PADI1: variants seen among roughly 807,000 people sequenced by gnomAD.
PADI1 encodes the protein protein-arginine deiminase type-1.
A neutral mutation model predicts 74.8 loss-of-function variants in PADI1; 65 were observed. The ratio of observed to expected loss-of-function variants is 0.87; its 90% CI spans 0.71 to 1.07. The LOEUF (loss-of-function observed/expected upper bound fraction) is 1.07, where lower values mean the gene tolerates loss of function less well. Among genes scored for constraint, PADI1 ranks in the 50% least tolerant of loss-of-function variants. PADI1 has a pLI of 0.00. For synonymous variants in PADI1, 371 were observed against 336.2 expected (o/e 1.10, Z -1.13); for missense variants, 943 against 854.0 (o/e 1.10, Z -1.30).
At chr1:17,213,787 C>T (rs1008630254) in intron 1 of PADI1, among the ~76,000 whole-genome samples, 2 of 152,232 alleles carry the variant, frequency 1.3e-5, no homozygotes, top group Non-Finnish European at 2.9e-5. Context: ...TGAACCTGCA[C>T]CTTACCACAG....
Position 17,238,676 on chromosome 1 carries a change from G to T in PADI1, c.1519G>T (p.Glu507Ter). ...CCTCAAACTCTTCCAAGAGAAGAAA[G>T]AAGAGGGTTATGGGGAGGCAGCCCA... ...ACLKLFQEKK[E>*]EGYGEAAQFD... is the part of the protein sequence containing the mutation. Residue 507 changes from glutamate (E) to a stop codon, truncating the protein, a stop_gained, in exon 13 of 16, where the codon GAA becomes TAA. Transcript: ENST00000375471. LOFTEE classifies it high-confidence loss of function. The T allele has an allele frequency of 1.9e-6, 3 of 1,555,046 alleles. No individual in the cohort carries two copies. Among genetic ancestry groups the T allele is most frequent in the Non-Finnish European group, 8.7e-7 (1 of 1,144,562 alleles).
At chr1:17,239,632 A>T (rs1457552515) in intron 13 of PADI1, 72 bp from the exon 14 acceptor site, 10 of 1,130,402 alleles carry the variant, frequency 8.8e-6, no homozygotes, top group Admixed American at 1.7e-5. Context: ...GGCCTGGATT[A>T]TGTAGCCCCA....
At chr1:17,213,139 C>T (rs1264105814) in intron 1 of PADI1, among the ~76,000 whole-genome samples, 1 of 126,680 alleles carries the variant, frequency 7.9e-6, no homozygotes, top group East Asian at 2.5e-4. Flanking sequence ...AGTAAAGTTA[C>T]TTAACTTCTC....
At position 17,215,558 on chromosome 1, in the gene PADI1, G is replaced by A. The variant is rs570217629; in HGVS notation, c.93-6732G>A. ...GGTGGTCCCTGAGTGGGGTGGAGCA[G>A]GAGTCACCCATGAGCTAGAAACCCT... On this transcript the variant is annotated intron_variant, in intron 1 of 15. Coordinates refer to ENST00000375471, the MANE Select transcript of PADI1 (RefSeq NM_013358.3). 1.6e-4 allele frequency among the ~76,000 whole-genome samples: 24 copies of A among 152,228 alleles called. No individual in the cohort carries two copies. In the South Asian group the frequency reaches 3.5e-3, roughly 22 times the overall value.
chr1:17,236,109 C>A (rs1457098028), intron 11 of PADI1, among the ~76,000 whole-genome samples: 1 of 152,196 alleles, frequency 6.6e-6, no homozygotes, highest in African/African-American at 2.4e-5. Context: ...AAATTTAGCA[C>A]CTCAGGCTGC....
chr1:17,235,302 G>GGAAGGAAGGAAGGAAA (rs1367709182), intron 11 of PADI1, among the ~76,000 whole-genome samples: 1 of 151,546 alleles, frequency 6.6e-6, no homozygotes, highest in African/African-American at 2.4e-5. Flanking sequence ...AGGGAAGGAA[G>GGAAGGAAGGAAGGAAA]GAAGGAGGCA....
At chr1:17,211,920 T>C (rs1235357463) in intron 1 of PADI1, among the ~76,000 whole-genome samples, 1 of 152,230 alleles carries the variant, frequency 6.6e-6, no homozygotes, top group Non-Finnish European at 1.5e-5. Flanking sequence ...CTCCGTAGAC[T>C]CTGTGGACCC....
intron 11 of PADI1, among the ~76,000 whole-genome samples, chr1:17,233,496 C>T (rs1049446846): frequency 6.6e-5 from 10 of 152,100 alleles, no homozygotes; most frequent in African/African-American, 2.4e-4. Context: ...TGGATCTCAC[C>T]CTGGACAGAT....
intron 1 of PADI1, among the ~76,000 whole-genome samples, chr1:17,207,244 C>T (rs2071709116): frequency 6.6e-6 from 1 of 152,166 alleles, no homozygotes; most frequent in Non-Finnish European, 1.5e-5. Context: ...GGCCAAGTCA[C>T]TTGTCCTCTC....
chr1:17,219,309 T>C (rs550045852), intron 1 of PADI1, among the ~76,000 whole-genome samples: 1 of 151,394 alleles, frequency 6.6e-6, no homozygotes, highest in Admixed American at 6.6e-5. Flanking sequence ...GGGACAGCAG[T>C]GGGGGGCGAG....
chr1:17,230,107 A>G lies in PADI1; in HGVS notation c.952A>G (p.Asn318Asp). ...CAGAGTGATGGACACTCATGGCTCCAATGAGAAATTCCTGGAGGACATGTC... is the reference window on the plus strand; with the variant it reads ...CAGAGTGATGGACACTCATGGCTCCGATGAGAAATTCCTGGAGGACATGTC... ...VCRVMDTHGSNEKFLEDMSYL... is the reference protein window; with the variant it reads ...VCRVMDTHGSDEKFLEDMSYL... The change falls in exon 9 of 16, where the codon AAT becomes GAT. Residue 318 changes from asparagine (N) to aspartate (D), a missense_variant. Coordinates refer to ENST00000375471, the MANE Select transcript of PADI1 (RefSeq NM_013358.3). 6.2e-7 allele frequency: 1 copy of G among 1,613,950 alleles called. No homozygotes were observed. The highest frequency in any genetic ancestry group is 8.5e-7 in the Non-Finnish European group (1 of 1,179,836).
chr1:17,227,530 C>CAAATAAAT lies in PADI1; in HGVS notation c.653-1050_653-1043dup, dbSNP rs56966982. Among the ~76,000 whole-genome samples the CAAATAAAT allele has an allele frequency of 5.6e-3, 774 of 138,342 alleles. 5 individuals are homozygous for CAAATAAAT. The highest frequency in any genetic ancestry group is 0.013 in the Admixed American group (184 of 13,822). 90.8% of individuals were successfully genotyped at this position (138,342 alleles called of 152,430 possible). On this transcript the variant is annotated intron_variant, in intron 6 of 15. Coordinates refer to ENST00000375471, the MANE Select transcript of PADI1 (RefSeq NM_013358.3). ...TGGGAGACAGAGTGAGACCCTGTCT[C>CAAATAAAT]AAATAAATAAATAAATAAATAAATA...
chr1:17,209,293 T>A lies in PADI1; in HGVS notation c.92+3984T>A, dbSNP rs367885887. On this transcript the variant is annotated intron_variant, in intron 1 of 15. Transcript: ENST00000375471. ...CATTCTCTGCTCCGTCCTGTCACTG[T>A]GTCACTGCAGCAGGAAGAACACTAT... 4.3e-4 allele frequency among the ~76,000 whole-genome samples: 65 copies of A among 152,242 alleles called. 1 individual carries two copies. In the South Asian group the frequency reaches 0.013, roughly 31 times the overall value.
At chr1:17,216,183 T>G (rs561689970) in intron 1 of PADI1, among the ~76,000 whole-genome samples, 8 of 152,240 alleles carry the variant, frequency 5.3e-5, no homozygotes, top group Non-Finnish European at 8.8e-5. Flanking sequence ...CAGGCTCTGG[T>G]GACAGCCTCT....
intron 1 of PADI1, among the ~76,000 whole-genome samples, chr1:17,208,377 C>CA (rs1376442135): frequency 6.6e-6 from 1 of 152,128 alleles, no homozygotes; most frequent in East Asian, 1.9e-4. Context: ...GTCCCATCCC[C>CA]ACACCCCAGT....
At chr1:17,228,480 A>T in intron 6 of PADI1, 145 bp from the exon 7 acceptor site, 2 of 750,722 alleles carry the variant, frequency 2.7e-6, no homozygotes, top group Non-Finnish European at 4.6e-6. Context: ...TGAGTCATTG[A>T]GCTAAGGCCA....
chr1:17,244,131 G>T lies in PADI1; in HGVS notation c.1880G>T (p.Cys627Phe). Residue 627 changes from cysteine (C) to phenylalanine (F), a missense_variant, in exon 16 of 16, where the codon TGC (cysteine) becomes TTC (phenylalanine). Physicochemically the swap from Cys to Phe is radical, Grantham distance 205. Transcript: ENST00000375471. ...CTGCTGGAGCCTCTGGGCCTGCACTGCATCTTCATTGATGACTACTTGTCC... is the reference window on the plus strand; with the variant it reads ...CTGCTGGAGCCTCTGGGCCTGCACTTCATCTTCATTGATGACTACTTGTCC... The part of the protein sequence containing the change: ...QSLLEPLGLH[C>F]IFIDDYLSYH... 1 of 1,614,164 alleles carries T rather than the reference G, an allele frequency of 6.2e-7. No individual in the cohort carries two copies. The highest frequency in any genetic ancestry group is 8.5e-7 in the Non-Finnish European group (1 of 1,179,970).
At position 17,237,302 on chromosome 1, in the gene PADI1, C is replaced by T. The variant is rs746805371; in HGVS notation, c.1314-12C>T. On this transcript the variant is annotated splice_polypyrimidine_tract_variant and intron_variant, in intron 11 of 15. Coordinates refer to ENST00000375471, the MANE Select transcript of PADI1 (RefSeq NM_013358.3). ...GCACAAGGTGACTGCCCGCCCTCTCCCTCCTGGCCAGGTCCGGTGGGCGGC... is the reference window on the plus strand; with the variant it reads ...GCACAAGGTGACTGCCCGCCCTCTCTCTCCTGGCCAGGTCCGGTGGGCGGC... 1 of 1,596,214 alleles carries T rather than the reference C, an allele frequency of 6.3e-7. No individual in the cohort carries two copies.
chr1:17,207,659 GT>G (rs1400457704), intron 1 of PADI1, among the ~76,000 whole-genome samples: 3 of 152,200 alleles, frequency 2.0e-5, no homozygotes, highest in African/African-American at 7.2e-5. Flanking sequence ...GCTCCTTAGC[GT>G]CCTCAAATGC....
Sources: allele counts gnomAD v4.1 joint callset (sites outside exome capture counted in the v4.1 genomes callset), GRCh38; gene constraint gnomAD v4.1.1; transcripts MANE v1.5; gene names NCBI Gene and HGNC (gene_info 2026-07-23, HGNC 2026-07-21).